Variants in DLGAP1 observed in about 807,000 individuals in gnomAD.
DLGAP1 encodes the protein disks large-associated protein 1.
DLGAP1 carries 11 observed loss-of-function variants against 90.8 expected under a neutral mutation model. The observed-to-expected ratio is 0.12, with a 90% CI of 0.08 to 0.20. The LOEUF (loss-of-function observed/expected upper bound fraction) is 0.20. Among genes scored for constraint, DLGAP1 ranks in the 10% least tolerant of loss-of-function variants. The pLI, the probability that DLGAP1 is intolerant of heterozygous loss-of-function variation, is 1.00. For missense variants in DLGAP1, 1,050 were observed against 1,333.8 expected (o/e 0.79, Z 3.31); for synonymous variants, 558 against 540.7 (o/e 1.03, Z -0.44).
chr18:3,747,712 G>A (rs994951605), intron 5 of DLGAP1, among the ~76,000 whole-genome samples: 2 of 152,128 alleles, frequency 1.3e-5, no homozygotes, highest in East Asian at 1.9e-4. Context: ...CTGGCCACTC[G>A]TTATGAAATA....
At chr18:4,431,755 T>C (rs1197938748) in intron 1 of DLGAP1, among the ~76,000 whole-genome samples, 1 of 152,224 alleles carries the variant, frequency 6.6e-6, no homozygotes, top group Non-Finnish European at 1.5e-5. Context: ...CTGGTAATGA[T>C]CAAGACACTC....
rs2145471730 is a variant in DLGAP1, at chr18:4,286,184, C to T, written c.-266-134897G>A. 2.0e-5 allele frequency among the ~76,000 whole-genome samples: 3 copies of T among 152,224 alleles called. No individual in the cohort carries two copies. In the Middle Eastern group the frequency reaches 0.01, roughly 518 times the overall value. ...CCAAAAAGGAAGGATGAAGAAATGA[C>T]TGTGAGCAAAACAGTATTATATGGT... On this transcript the variant is annotated intron_variant, in intron 1 of 12. Coordinates refer to ENST00000315677, the MANE Select transcript of DLGAP1 (RefSeq NM_004746.4).
chr18:3,805,170 C>T (rs181495188), intron 5 of DLGAP1, among the ~76,000 whole-genome samples: 17 of 152,298 alleles, frequency 1.1e-4, no homozygotes, highest in Non-Finnish European at 1.6e-4. Context: ...GTGCTAAGTG[C>T]GCCACATACA....
chr18:4,030,409 T>TGACCTTAC (rs2074776926), intron 2 of DLGAP1, among the ~76,000 whole-genome samples: 1 of 152,196 alleles, frequency 6.6e-6, no homozygotes. Context: ...AATGACCTTA[T>TGACCTTAC]GGGCTAAGAA....
chr18:3,805,446 G>A (rs930531022), intron 5 of DLGAP1, among the ~76,000 whole-genome samples: 4 of 152,172 alleles, frequency 2.6e-5, no homozygotes, highest in Non-Finnish European at 4.4e-5. Flanking sequence ...GGCTGGGGGC[G>A]TCAATACAAA....
intron 2 of DLGAP1, among the ~76,000 whole-genome samples, chr18:4,008,805 A>C (rs2074357496): frequency 6.6e-6 from 1 of 152,214 alleles, no homozygotes; most frequent in South Asian, 2.1e-4. Context: ...CCAATGCACA[A>C]AATGGGAACT....
intron 5 of DLGAP1, among the ~76,000 whole-genome samples, chr18:3,744,429 T>C (rs1015193013): frequency 1.3e-5 from 2 of 152,148 alleles, no homozygotes; most frequent in Admixed American, 1.3e-4. Context: ...ATAAAATTTA[T>C]GGAAGGCACT....
At chr18:4,128,227 A>T (rs1217481629) in intron 2 of DLGAP1, among the ~76,000 whole-genome samples, 2 of 152,172 alleles carry the variant, frequency 1.3e-5, no homozygotes, top group Admixed American at 1.3e-4. Flanking sequence ...TCTTGTTATT[A>T]TTCTCTAAAC....
In DLGAP1 at chr18:3,880,082, C is replaced by A; in HGVS notation, c.-14G>T. The A allele has an allele frequency of 6.3e-7, 1 of 1,596,318 alleles. No individual in the cohort carries two copies. The highest frequency in any genetic ancestry group is 8.5e-7 in the Non-Finnish European group (1 of 1,178,542). ...TAGCCCTTTCATGGCGGACCGGAAG[C>A]AGCCGCCAGGGTCATGGACACCCGG... On this transcript the variant is annotated 5_prime_UTR_variant, in exon 4 of 13. Transcript: ENST00000315677.
intron 7 of DLGAP1, chr18:3,603,088 A>G (rs1270733362): frequency 1.3e-5 from 2 of 152,172 alleles, no homozygotes; most frequent in East Asian, 1.9e-4. Flanking sequence ...TGAATTACCA[A>G]TAAAGGGTTG....
intron 9 of DLGAP1, among the ~76,000 whole-genome samples, chr18:3,563,885 T>C (rs1013834864): frequency 9.2e-5 from 14 of 152,220 alleles, no homozygotes; most frequent in African/African-American, 3.1e-4. Context: ...ATCAAAGATA[T>C]TCTTTGTTTC....
intron 4 of DLGAP1, among the ~76,000 whole-genome samples, chr18:3,865,199 T>G (rs1248375166): frequency 6.6e-6 from 1 of 152,192 alleles, no homozygotes; most frequent in Non-Finnish European, 1.5e-5. Context: ...CAAAATTAAA[T>G]TAAGCAAAGA....
intron 1 of DLGAP1, among the ~76,000 whole-genome samples, chr18:4,208,663 C>T (rs2077772298): frequency 6.6e-6 from 1 of 152,062 alleles, no homozygotes; most frequent in Non-Finnish European, 1.5e-5. Flanking sequence ...TTTTCACCAG[C>T]TTTTGACTCA....
At chr18:3,824,312 T>C (rs9961715) in intron 4 of DLGAP1, among the ~76,000 whole-genome samples, 29,750 of 152,042 alleles carry the variant, frequency 0.2, 3,058 homozygotes, top group African/African-American at 0.23. Flanking sequence ...TTGCTGCCAA[T>C]AGAAGCCCAC....
At chr18:4,176,373 C>T (rs2077107247) in intron 1 of DLGAP1, among the ~76,000 whole-genome samples, 2 of 152,308 alleles carry the variant, frequency 1.3e-5, no homozygotes, top group South Asian at 4.1e-4. Context: ...TACAGCACCT[C>T]CACACATCTA....
intron 3 of DLGAP1, among the ~76,000 whole-genome samples, chr18:3,986,817 A>G (rs1226973148): frequency 2.0e-5 from 3 of 152,080 alleles, no homozygotes; most frequent in Admixed American, 1.3e-4. Context: ...ATCTGGTATG[A>G]TTGTACCTTG....
At chr18:4,405,302 C>T (rs575508100) in intron 1 of DLGAP1, among the ~76,000 whole-genome samples, 7 of 152,024 alleles carry the variant, frequency 4.6e-5, no homozygotes, top group Non-Finnish European at 1.0e-4. Flanking sequence ...GTGGAGAAAG[C>T]ATATATCAAT....
intron 8 of DLGAP1, among the ~76,000 whole-genome samples, chr18:3,570,775 G>GA (rs1293299323): frequency 2.6e-5 from 4 of 150,974 alleles, no homozygotes; most frequent in African/African-American, 2.4e-5. Flanking sequence ...CAAAAAATAA[G>GA]AAAAAAAATA....
Position 3,775,664 on chromosome 18 carries a change from CT to C in DLGAP1, c.1173-33153del, listed in dbSNP as rs777284539. Reference sequence around the variant, plus strand: ...ACATTAAATTTGTGTGCCATTTCTTCTATTAATCTGCCTTTTAAAAGTTGAT... The same window carrying C: ...ACATTAAATTTGTGTGCCATTTCTTCATTAATCTGCCTTTTAAAAGTTGAT... On this transcript the variant is annotated intron_variant, in intron 5 of 12. Transcript: ENST00000315677. This position sits in a 1 kb window ranked among gnomAD's most constrained non-coding sequence, Gnocchi z 4.9. Among the ~76,000 whole-genome samples the C allele has an allele frequency of 2.6e-5, 4 of 152,170 alleles. No homozygotes were observed. Among genetic ancestry groups the C allele is most frequent in the Non-Finnish European group, 5.9e-5 (4 of 68,020 alleles).
Sources: allele counts gnomAD v4.1 joint callset (sites outside exome capture counted in the v4.1 genomes callset), GRCh38; gene constraint gnomAD v4.1.1; non-coding constraint Gnocchi (gnomAD v3.1); transcripts MANE v1.5; gene names NCBI Gene and HGNC (gene_info 2026-07-23, HGNC 2026-07-21).